The following USP16 variants were observed in gnomAD, a reference collection of about 807,000 sequenced individuals.
USP16 encodes ubiquitin carboxyl-terminal hydrolase 16.
Under a neutral mutation model 95.9 loss-of-function variants are expected in USP16, and 77 were observed. The observed-to-expected ratio is 0.80, with a 90% CI of 0.67 to 0.97. The LOEUF is 0.97. USP16 is among the 50% of genes least tolerant of loss of function. The probability of loss-of-function intolerance (pLI) is 0.00; values close to 1 mark genes in which losing one functional copy is unlikely to be tolerated. For synonymous variants in USP16, 303 were observed against 318.2 expected, an observed-to-expected ratio of 0.95 and a Z score of 0.51; for missense variants, 943 against 959.9, an observed-to-expected ratio of 0.98 and a Z score of 0.23.
rs759633972 is a variant in USP16 at position 29,046,961 on chromosome 21, T to C, written c.1651T>C (p.Ser551Pro). The change falls in exon 14 of 18, where the codon TCT (serine) becomes CCT (proline). Residue 551 changes from serine (S) to proline (P), a missense_variant. Ser to Pro is a moderately conservative substitution (Grantham distance 74). Coordinates refer to ENST00000399976, the MANE Select transcript of USP16 (RefSeq NM_006447.3). The part of the protein sequence containing the change: ...NMDNDLEVLT[S>P]SPTRNLNGAY... ...GGATAATGATCTGGAGGTTTTAACA[T>C]CTTCTCCCACTAGGAATTTAAATGG... The C allele has an allele frequency of 1.2e-6, 2 of 1,614,128 alleles. No homozygotes were observed. The highest frequency in any genetic ancestry group is 1.7e-6 in the Non-Finnish European group (2 of 1,180,014).
chr21:29,043,506 C>T lies in USP16; in HGVS notation c.1263C>T (p.Asn421=), dbSNP rs776170501. Residue 421 remains asparagine (N), a synonymous_variant, in exon 13 of 18, where the codon AAC becomes AAT. Transcript: ENST00000399976. ...EDQDSEEEKD[N]DSYIKERSDI... ...AAGATAGTGAGGAAGAAAAAGATAACGACAGTTACATAAAAGAGAGAAGTG... is the reference window on the plus strand; with the variant it reads ...AAGATAGTGAGGAAGAAAAAGATAATGACAGTTACATAAAAGAGAGAAGTG... 1.5e-5 allele frequency: 24 copies of T among 1,596,264 alleles called. No homozygotes were observed. The highest frequency in any genetic ancestry group is 1.1e-4 in the East Asian group (5 of 43,738).
At chr21:29,030,456 A>C in intron 2 of USP16, 139 bp from the exon 3 acceptor site, 1 of 716,234 alleles carries the variant, frequency 1.4e-6, no homozygotes, top group Non-Finnish European at 2.0e-6. Flanking sequence ...AATATCAAAC[A>C]ATTTTAAGTT....
chr21:29,041,753 A>G (rs2085246107), intron 10 of USP16, among the ~76,000 whole-genome samples: 1 of 152,178 alleles, frequency 6.6e-6, no homozygotes, highest in South Asian at 2.1e-4. Flanking sequence ...TTTACTTCCC[A>G]CTGACTAGAT....
Position 29,046,558 on chromosome 21 carries a change from TGG to T in USP16, c.1357-108_1357-107del. On this transcript the variant is annotated intron_variant, in intron 13 of 17. Transcript: ENST00000399976. ...ATTTTTGATTGACAAGCAGCAAAAC[TGG>T]ATATAGTACATGTGTGTGTTTTGTC... 2.6e-6 allele frequency: 3 copies of T among 1,142,176 alleles called. No individual in the cohort carries two copies. In the South Asian group the frequency reaches 5.0e-5, roughly 19 times the overall value. 70.8% of individuals were successfully genotyped at this position (1,142,176 alleles called of 1,614,324 possible). A position where few individuals can be genotyped will look rare whatever the true frequency, so the allele number is the denominator to read the frequency against.
chr21:29,025,683 T>C, intron 1 of USP16: 1 of 960,422 alleles, frequency 1.0e-6, no homozygotes, highest in Non-Finnish European at 1.2e-6. Context: ...TGACTTCTCA[T>C]TTTTCACCCT....
At chr21:29,046,292 G>A (rs916899863) in intron 13 of USP16, among the ~76,000 whole-genome samples, 18 of 152,010 alleles carry the variant, frequency 1.2e-4, no homozygotes, top group African/African-American at 2.4e-4. Context: ...GGACACCAAC[G>A]TGCCCAGCTA....
At chr21:29,029,703 A>G (rs6516887) in intron 2 of USP16, among the ~76,000 whole-genome samples, 25,814 of 152,082 alleles carry the variant, frequency 0.17, 2,931 homozygotes, top group African/African-American at 0.33. Context: ...GTGTAACTCC[A>G]TCATCTGGGG....
chr21:29,042,018 G>T lies in USP16; in HGVS notation c.1036G>T (p.Glu346Ter). 6.2e-7 allele frequency: 1 copy of T among 1,612,374 alleles called. No homozygotes were observed. The highest frequency in any genetic ancestry group is 1.1e-5 in the South Asian group (1 of 90,972). Residue 346 changes from glutamate (E) to a stop codon, truncating the protein, a stop_gained, in exon 11 of 18, where the codon GAG becomes TAG. Transcript: ENST00000399976. LOFTEE classifies it high-confidence loss of function. The part of the protein sequence containing the change: ...EELKNKVKDY[E>*]KKKSMPSFVD... ...AGACTTTTTTTTCTCCATAGATTATGAGAAGAAAAAATCAATGCCAAGTTT... is the reference window on the plus strand; with the variant it reads ...AGACTTTTTTTTCTCCATAGATTATTAGAAGAAAAAATCAATGCCAAGTTT...
intron 3 of USP16, among the ~76,000 whole-genome samples, chr21:29,033,115 G>A (rs2085101466): frequency 6.6e-6 from 1 of 152,090 alleles, no homozygotes. Flanking sequence ...TGCTATTTCA[G>A]TTTTTCAGAA....
Position 29,054,293 on chromosome 21 carries a change from C to T in USP16, c.*106C>T, listed in dbSNP as rs1156236969. Reference sequence around the variant, plus strand: ...AATCATGTTCACTTAACATTAAATACATGCCAGAAGAAATCATGTTTATTT... The same window carrying T: ...AATCATGTTCACTTAACATTAAATATATGCCAGAAGAAATCATGTTTATTT... On this transcript the variant is annotated 3_prime_UTR_variant, in exon 18 of 18. Coordinates refer to ENST00000399976, the MANE Select transcript of USP16 (RefSeq NM_006447.3). 3 of 1,312,186 alleles carry T rather than the reference C, an allele frequency of 2.3e-6. No homozygotes were observed. The Admixed American group carries it at 7.4e-5, about 32-fold the overall frequency. 81.3% of individuals were successfully genotyped at this position (1,312,186 alleles called of 1,614,324 possible).
chr21:29,042,210 ACTATTCAGATG>A (rs2085255267), intron 11 of USP16, 106 bp downstream of exon 11: 6 of 1,046,188 alleles, frequency 5.7e-6, no homozygotes, highest in Non-Finnish European at 8.3e-6. Flanking sequence ...ATCTTTTTAA[ACTATTCAGATG>A]CTATTCAGAT....
At chr21:29,042,671 G>A (rs754594288) in intron 12 of USP16, 143 bp downstream of exon 12, 3 of 635,304 alleles carry the variant, frequency 4.7e-6, no homozygotes, top group Non-Finnish European at 5.2e-6. Context: ...ATGCATTTTA[G>A]GATTTGAATA....
chr21:29,030,901 C>A, intron 3 of USP16, 128 bp downstream of exon 3: 1 of 1,107,800 alleles, frequency 9.0e-7, no homozygotes, highest in South Asian at 1.8e-5. Flanking sequence ...CTCTGGAGAA[C>A]CAGTTCTGAG....
intron 11 of USP16, among the ~76,000 whole-genome samples, 174 bp downstream of exon 11, chr21:29,042,278 G>A (rs2085256015): frequency 6.6e-6 from 1 of 152,092 alleles, no homozygotes; most frequent in South Asian, 2.1e-4. Context: ...AAATCTTGAA[G>A]ACGTTAAACA....
chr21:29,029,633 A>G (rs1457231054), intron 2 of USP16, among the ~76,000 whole-genome samples: 3 of 152,134 alleles, frequency 2.0e-5, no homozygotes, highest in Non-Finnish European at 2.9e-5. Context: ...AAAGCTCTTT[A>G]CTTATCTTGG....
At chr21:29,050,217 G>A (rs1028994427) in intron 16 of USP16, 39 bp downstream of exon 16, 2 of 1,588,764 alleles carry the variant, frequency 1.3e-6, no homozygotes, top group South Asian at 1.1e-5. Flanking sequence ...GTCCTTTAAA[G>A]TCAAATTGTG....
At chr21:29,032,789 C>T (rs1487609664) in intron 3 of USP16, among the ~76,000 whole-genome samples, 1 of 152,158 alleles carries the variant, frequency 6.6e-6, no homozygotes, top group Non-Finnish European at 1.5e-5. Context: ...CCCAAGAGTG[C>T]AATTGCTGGG....
rs2146384339 is a variant in USP16, at chr21:29,042,693, A to G, written c.1179+165A>G. On this transcript the variant is annotated intron_variant, in intron 12 of 17. Transcript: ENST00000399976. ...TTAGGATTTGAATAAAGAACAGGGT[A>G]ACTACTTTAAAAACAAGGATGGAAA... The G allele has an allele frequency of 7.3e-6, 4 of 546,264 alleles. No individual in the cohort carries two copies. In the East Asian group the frequency reaches 1.4e-4, roughly 19 times the overall value. The allele number at this position is 546,264 out of a possible 1,614,324, so 33.8% of individuals were successfully genotyped here. A position where few individuals can be genotyped will look rare whatever the true frequency, so the allele number is the denominator to read the frequency against.
chr21:29,028,898 C>G (rs1277807252), intron 2 of USP16, among the ~76,000 whole-genome samples: 1 of 152,228 alleles, frequency 6.6e-6, no homozygotes, highest in Non-Finnish European at 1.5e-5. Context: ...CTAAATCTCT[C>G]TGTACATCCA....
Sources: gnomAD v4.1 joint callset for allele counts (sites outside exome capture counted in the v4.1 genomes callset) on GRCh38, gnomAD v4.1.1 for gene constraint, MANE v1.5 for transcripts, NCBI Gene and HGNC (gene_info 2026-07-23, HGNC 2026-07-21) for gene names.